Variants in TMTC2 observed in about 807,000 individuals in gnomAD.
TMTC2 encodes protein O-mannosyl-transferase TMTC2.
TMTC2 carries 43 observed loss-of-function variants against 82.4 expected under a neutral mutation model. The ratio of observed to expected loss-of-function variants is 0.52; its 90% CI spans 0.41 to 0.67. TMTC2 has a LOEUF of 0.67. Among genes scored for constraint, TMTC2 ranks in the 30% least tolerant of loss-of-function variants. TMTC2 has a pLI of 0.00. For synonymous variants in TMTC2, 408 were observed against 381.9 expected, an observed-to-expected ratio of 1.07 and a Z score of -0.80; for missense variants, 919 against 1,012.4, an observed-to-expected ratio of 0.91 and a Z score of 1.25.
intron 3 of TMTC2, among the ~76,000 whole-genome samples, chr12:82,909,125 C>T (rs1874485723): frequency 6.6e-6 from 1 of 152,104 alleles, no homozygotes; most frequent in African/African-American, 2.4e-5. Context: ...TTTTCATTCT[C>T]TAAGTTTTTT....
At chr12:82,837,606 T>C (rs1870119015) in intron 1 of TMTC2, among the ~76,000 whole-genome samples, 1 of 152,220 alleles carries the variant, frequency 6.6e-6, no homozygotes, top group Non-Finnish European at 1.5e-5. Flanking sequence ...ATTTAAAGAC[T>C]GTAAAGGCTT....
intron 11 of TMTC2, among the ~76,000 whole-genome samples, chr12:83,073,171 T>C (rs1265869628): frequency 6.6e-6 from 1 of 152,152 alleles, no homozygotes; most frequent in African/African-American, 2.4e-5. Context: ...GTTCTTGTAG[T>C]GGTAGGTTGG....
intron 8 of TMTC2, among the ~76,000 whole-genome samples, chr12:83,027,517 GA>G (rs140024287): frequency 1.5e-4 from 23 of 150,932 alleles, no homozygotes; most frequent in Non-Finnish European, 2.1e-4. Context: ...TGCTGATGAG[GA>G]AAAAAAAATG....
At chr12:82,903,942 G>T (rs1179725713) in intron 3 of TMTC2, among the ~76,000 whole-genome samples, 1 of 152,112 alleles carries the variant, frequency 6.6e-6, no homozygotes, top group Non-Finnish European at 1.5e-5. Context: ...ATCATGAGAG[G>T]GTTAGAATCG....
At chr12:82,806,882 C>T (rs530374231) in intron 1 of TMTC2, among the ~76,000 whole-genome samples, 4 of 152,126 alleles carry the variant, frequency 2.6e-5, no homozygotes, top group East Asian at 3.9e-4. Flanking sequence ...ACTGTTAAAA[C>T]GTTTGTTGTT....
In TMTC2 at chr12:82,932,118, T is replaced by C. The variant is rs529481311; in HGVS notation, c.1598+1573T>C. Among the ~76,000 whole-genome samples, 3 of 152,338 alleles carry C rather than the reference T, an allele frequency of 2.0e-5. No individual in the cohort carries two copies. In the South Asian group the frequency reaches 6.2e-4, roughly 32 times the overall value. On this transcript the variant is annotated intron_variant, in intron 4 of 11. Coordinates refer to ENST00000321196, the MANE Select transcript of TMTC2 (RefSeq NM_152588.3). ...GCTCTGGTTAGCTGAATCTTTTGTA[T>C]TGGCTAAGTCTAAAGGCACAGATAC...
intron 1 of TMTC2, among the ~76,000 whole-genome samples, chr12:82,843,160 C>G (rs980124444): frequency 2.6e-5 from 4 of 152,098 alleles, no homozygotes; most frequent in East Asian, 1.9e-4. Flanking sequence ...AATCTCGGCT[C>G]ACTGCAATCT....
intron 10 of TMTC2, 60 bp from the exon 11 acceptor site, chr12:83,061,708 T>G (rs1018758454): frequency 2.5e-5 from 36 of 1,412,826 alleles, no homozygotes; most frequent in Non-Finnish European, 2.9e-5. Flanking sequence ...TACTGCACAG[T>G]GATCCTATTT....
At chr12:82,864,658 T>C (rs12825528) in intron 2 of TMTC2, among the ~76,000 whole-genome samples, 4 of 151,196 alleles carry the variant, frequency 2.6e-5, no homozygotes, top group South Asian at 2.1e-4. Context: ...CACACCACCA[T>C]GCCCAGCTAA....
intron 8 of TMTC2, among the ~76,000 whole-genome samples, chr12:82,990,588 C>G (rs1325188776): frequency 6.6e-6 from 1 of 151,916 alleles, no homozygotes; most frequent in African/African-American, 2.4e-5. Flanking sequence ...TTCATTAGTA[C>G]CGGTCTCAGT....
At chr12:82,779,793 G>A (rs11115420) in intron 1 of TMTC2, among the ~76,000 whole-genome samples, 87 of 152,186 alleles carry the variant, frequency 5.7e-4, no homozygotes, top group Non-Finnish European at 1.1e-3. Flanking sequence ...CCAGCTACTC[G>A]GGAGGCTGAG....
chr12:82,793,921 G>A (rs369891690), intron 1 of TMTC2, among the ~76,000 whole-genome samples: 219 of 152,194 alleles, frequency 1.4e-3, no homozygotes, highest in African/African-American at 5.0e-3. Flanking sequence ...CTGTATATGC[G>A]ACTTGGGAAA....
chr12:82,796,870 C>G (rs1270040786), intron 1 of TMTC2, among the ~76,000 whole-genome samples: 2 of 152,010 alleles, frequency 1.3e-5, no homozygotes, highest in Non-Finnish European at 2.9e-5. Context: ...CTCAGTTTCC[C>G]CAGCTTTAAA....
At chr12:83,101,572 C>G (rs1326961732) in intron 11 of TMTC2, among the ~76,000 whole-genome samples, 1 of 152,048 alleles carries the variant, frequency 6.6e-6, no homozygotes, top group Non-Finnish European at 1.5e-5. Context: ...CAATGTTTAT[C>G]AAAATGAAAA....
intron 1 of TMTC2, among the ~76,000 whole-genome samples, chr12:82,742,390 A>T (rs1214533842): frequency 1.3e-5 from 2 of 152,056 alleles, no homozygotes; most frequent in Non-Finnish European, 2.9e-5. Context: ...TGTCTACAAC[A>T]TTTACATTAT....
At chr12:83,048,143 A>T (rs1430388833) in intron 9 of TMTC2, among the ~76,000 whole-genome samples, 1 of 152,236 alleles carries the variant, frequency 6.6e-6, no homozygotes, top group Non-Finnish European at 1.5e-5. Flanking sequence ...AGTAATTAAT[A>T]TTGTGTTTTA....
chr12:83,007,467 C>T (rs1880256546), intron 8 of TMTC2, among the ~76,000 whole-genome samples: 1 of 151,730 alleles, frequency 6.6e-6, no homozygotes, highest in Non-Finnish European at 1.5e-5. Flanking sequence ...TGGTGGTTGC[C>T]CTGGAGTTTG....
Position 82,826,496 on chromosome 12 carries a change from G to A in TMTC2, c.84-30514G>A, listed in dbSNP as rs560210017. 2.6e-5 allele frequency among the ~76,000 whole-genome samples: 4 copies of A among 152,044 alleles called. No individual in the cohort carries two copies. The East Asian group carries it at 7.7e-4, about 29-fold the overall frequency. ...TAGAGTCCAAAGTATAATTTTAATG[G>A]TGTGCTTAAAAAAAAGATATTTTTA... On this transcript the variant is annotated intron_variant, in intron 1 of 11. Transcript: ENST00000321196.
At chr12:82,995,856 AC>A (rs1432544651) in intron 8 of TMTC2, among the ~76,000 whole-genome samples, 1 of 152,180 alleles carries the variant, frequency 6.6e-6, no homozygotes, top group African/African-American at 2.4e-5. Context: ...GTAGTGGTCC[AC>A]ACCTCCTTGG....
Sources: gnomAD v4.1 joint callset for allele counts (sites outside exome capture counted in the v4.1 genomes callset) on GRCh38, gnomAD v4.1.1 for gene constraint, MANE v1.5 for transcripts, NCBI Gene and HGNC (gene_info 2026-07-23, HGNC 2026-07-21) for gene names.